The following G6PC1 variants were observed in gnomAD, a reference collection of about 807,000 sequenced individuals.
G6PC1 encodes the protein glucose-6-phosphatase catalytic subunit 1, also known as G-6-Pase.
In G6PC1, 23 loss-of-function variants were observed where a neutral mutation model predicts 30.4. That is an observed-to-expected ratio of 0.76 (90% CI 0.55 to 1.07). The LOEUF (loss-of-function observed/expected upper bound fraction) is 1.07, where lower values mean the gene tolerates loss of function less well. Ranked by LOEUF, G6PC1 falls within the 50% of genes least tolerant of loss-of-function variation. The pLI, the probability that G6PC1 is intolerant of heterozygous loss-of-function variation, is 0.00. For missense variants in G6PC1, 391 were observed against 433.9 expected (o/e 0.90, Z 0.88); for synonymous variants, 163 against 175.6 (o/e 0.93, Z 0.57).
rs762140129 is a variant in G6PC1, at chr17:42,911,439, C to G, written c.*13C>G. 1 of 1,614,078 alleles carries G rather than the reference C, an allele frequency of 6.2e-7. No individual in the cohort carries two copies. The highest frequency in any genetic ancestry group is 8.5e-7 in the Non-Finnish European group (1 of 1,180,034). On this transcript the variant is annotated 3_prime_UTR_variant, in exon 5 of 5. Transcript: ENST00000253801. ...GAAGTCGTTGTAAGAGATGTGGAGT[C>G]TTCGGTGTTTAAAGTCAACAACCAT...
At position 42,914,230 on chromosome 17, in the gene G6PC1, G is replaced by C. The variant is rs1178851856; in HGVS notation, c.*2804G>C. On this transcript the variant is annotated 3_prime_UTR_variant, in exon 5 of 5. Coordinates refer to ENST00000253801, the MANE Select transcript of G6PC1 (RefSeq NM_000151.4). Reference sequence around the variant, plus strand: ...GATTACAGTGTGAGCCACTGCGCTTGGCCAGAAATGGTTTTGATCTGTCTG... The same window carrying C: ...GATTACAGTGTGAGCCACTGCGCTTCGCCAGAAATGGTTTTGATCTGTCTG... Among the ~76,000 whole-genome samples the C allele has an allele frequency of 1.3e-5, 2 of 151,910 alleles. No individual in the cohort carries two copies. Among genetic ancestry groups the C allele is most frequent in the Non-Finnish European group, 2.9e-5 (2 of 67,992 alleles).
intron 3 of G6PC1, among the ~76,000 whole-genome samples, 173 bp downstream of exon 3, chr17:42,907,801 T>A (rs1416900259): frequency 6.6e-6 from 1 of 152,172 alleles, no homozygotes. Context: ...TCAGGGAATG[T>A]TTGGGCTGAA....
intron 2 of G6PC1, among the ~76,000 whole-genome samples, chr17:42,904,675 C>T (rs1224844536): frequency 3.3e-5 from 5 of 152,298 alleles, no homozygotes; most frequent in Admixed American, 1.3e-4. Flanking sequence ...TCAGCTGTTA[C>T]TTACCAAGCA....
chr17:42,906,486 C>T (rs533865135), intron 2 of G6PC1, among the ~76,000 whole-genome samples: 1 of 152,284 alleles, frequency 6.6e-6, no homozygotes, highest in African/African-American at 2.4e-5. Context: ...TACCATCACA[C>T]TCTCAACAGC....
chr17:42,909,762 G>A (rs1193902597), intron 4 of G6PC1, among the ~76,000 whole-genome samples: 1 of 152,054 alleles, frequency 6.6e-6, no homozygotes. Context: ...AAATTAACAC[G>A]ATGTCCTAGG....
chr17:42,906,912 G>A (rs1055939092), intron 2 of G6PC1, among the ~76,000 whole-genome samples: 5 of 152,014 alleles, frequency 3.3e-5, no homozygotes, highest in East Asian at 1.9e-4. Flanking sequence ...ATAAAAAAAC[G>A]GAACCGGTTG....
At chr17:42,906,881 A>T (rs928476722) in intron 2 of G6PC1, among the ~76,000 whole-genome samples, 1 of 152,048 alleles carries the variant, frequency 6.6e-6, no homozygotes, top group African/African-American at 2.4e-5. Flanking sequence ...CACTGTCTCT[A>T]AAAAAACAAA....
chr17:42,910,965 A>G lies in G6PC1; in HGVS notation c.613A>G (p.Ser205Gly). The change falls in exon 5 of 5, where the codon AGC becomes GGC. Residue 205 changes from serine to glycine, a missense_variant. Transcript: ENST00000253801. ...CCACATCCACAGCATCTATAATGCC[A>G]GCCTCAAGAAATATTTTCTCATTAC... The part of the protein sequence containing the change: ...FSHIHSIYNA[S>G]LKKYFLITFF... 3.7e-6 allele frequency: 6 copies of G among 1,614,230 alleles called. No homozygotes were observed. The highest frequency in any genetic ancestry group is 5.1e-6 in the Non-Finnish European group (6 of 1,180,042).
intron 2 of G6PC1, among the ~76,000 whole-genome samples, chr17:42,905,329 G>C (rs1490532008): frequency 6.6e-6 from 1 of 150,802 alleles, no homozygotes; most frequent in Non-Finnish European, 1.5e-5. Context: ...GGAGGCTAAG[G>C]CAGGAGAATC....
intron 2 of G6PC1, among the ~76,000 whole-genome samples, chr17:42,904,636 C>T (rs1198387171): frequency 2.0e-5 from 3 of 152,266 alleles, no homozygotes; most frequent in East Asian, 1.9e-4. Flanking sequence ...TCACAGACCA[C>T]GCATTTACCT....
intron 2 of G6PC1, 170 bp downstream of exon 2, chr17:42,904,210 A>G (rs2056044833): frequency 1.5e-6 from 1 of 647,940 alleles, no homozygotes; most frequent in South Asian, 1.6e-5. Flanking sequence ...ATAGCACAGT[A>G]GTATTGGAAA....
chr17:42,904,151 A>G, intron 2 of G6PC1, 111 bp downstream of exon 2: 1 of 786,510 alleles, frequency 1.3e-6, no homozygotes, highest in Non-Finnish European at 2.3e-6. Context: ...TACTTTTGTC[A>G]TGCTCTTCAA....
intron 1 of G6PC1, 117 bp from the exon 2 acceptor site, chr17:42,903,814 C>T: frequency 1.3e-6 from 1 of 752,470 alleles, no homozygotes; most frequent in Non-Finnish European, 2.4e-6. Flanking sequence ...CCACCCAGTT[C>T]TCCCTTCTAG....
chr17:42,903,272 C>T (rs2056038513), intron 1 of G6PC1, among the ~76,000 whole-genome samples: 1 of 151,848 alleles, frequency 6.6e-6, no homozygotes, highest in Admixed American at 6.6e-5. Context: ...TTGGTAGAAA[C>T]GGTGTTTCAC....
At position 42,914,015 on chromosome 17, in the gene G6PC1, C is replaced by T. The variant is rs763118529; in HGVS notation, c.*2589C>T. 6.6e-6 allele frequency among the ~76,000 whole-genome samples: 1 copy of T among 152,122 alleles called. No homozygotes were observed. The highest frequency in any genetic ancestry group is 2.4e-5 in the African/African-American group (1 of 41,432). On this transcript the variant is annotated 3_prime_UTR_variant, in exon 5 of 5. Transcript: ENST00000253801. ...ATTCAGGGAAGATTGCATTCTCCTA[C>T]TGGATTTGGGCTCTCAGAGGGCGTT...
In G6PC1 at chr17:42,900,943, T is replaced by C; in HGVS notation, c.67T>C (p.Tyr23His). 6.2e-7 allele frequency: 1 copy of C among 1,614,126 alleles called. No individual in the cohort carries two copies. Among genetic ancestry groups the C allele is most frequent in the Non-Finnish European group, 8.5e-7 (1 of 1,180,016 alleles). Residue 23 changes from tyrosine to histidine, a missense_variant, in exon 1 of 5, where the codon TAC becomes CAC. Physicochemically the swap from Tyr to His is moderately conservative, Grantham distance 83 (BLOSUM62 2). Transcript: ENST00000253801. ...IQSTHYLQVN[Y>H]QDSQDWFILV... ...GTCAACACATTACCTCCAGGTGAATTACCAAGACTCCCAGGACTGGTTCAT... is the reference window on the plus strand; with the variant it reads ...GTCAACACATTACCTCCAGGTGAATCACCAAGACTCCCAGGACTGGTTCAT...
intron 1 of G6PC1, among the ~76,000 whole-genome samples, chr17:42,902,577 G>A (rs541668279): frequency 1.3e-5 from 2 of 152,244 alleles, no homozygotes; most frequent in Admixed American, 1.3e-4. Flanking sequence ...AAAAGATGAA[G>A]TGTTATTCCA....
intron 4 of G6PC1, among the ~76,000 whole-genome samples, chr17:42,910,290 G>A (rs917352674): frequency 5.3e-5 from 8 of 152,148 alleles, no homozygotes; most frequent in Admixed American, 1.3e-4. Flanking sequence ...TTGTAAGAAC[G>A]GAACATAGCA....
At chr17:42,903,374 G>A (rs186143479) in intron 1 of G6PC1, among the ~76,000 whole-genome samples, 76 of 151,318 alleles carry the variant, frequency 5.0e-4, no homozygotes, top group Non-Finnish European at 1.6e-4. Context: ...GTGAGCCACC[G>A]CGCCTGCCTG....
Sources: allele counts gnomAD v4.1 joint callset (sites outside exome capture counted in the v4.1 genomes callset), GRCh38; gene constraint gnomAD v4.1.1; transcripts MANE v1.5; gene names NCBI Gene and HGNC (gene_info 2026-07-23, HGNC 2026-07-21).